The following PLEC variants were observed in gnomAD, a reference collection of about 807,000 sequenced individuals.
The protein encoded by PLEC is plectin, also known as hemidesmosomal protein 1.
Under a neutral mutation model 392.8 loss-of-function variants are expected in PLEC, and 216 were observed. That is an observed-to-expected ratio of 0.55 (90% CI 0.49 to 0.62). The LOEUF (loss-of-function observed/expected upper bound fraction) is 0.62. Among genes scored for constraint, PLEC ranks in the 20% least tolerant of loss-of-function variants. The pLI, the probability that PLEC is intolerant of heterozygous loss-of-function variation, is 0.00. For synonymous variants in PLEC, 3,621 were observed against 2,980.6 expected (o/e 1.21, Z -7.00); for missense variants, 6,863 against 6,563.4 (o/e 1.05, Z -1.58).
chr8:143,964,631 C>T (rs1181434973), intron 1 of PLEC, among the ~76,000 whole-genome samples: 1 of 152,160 alleles, frequency 6.6e-6, no homozygotes, highest in Non-Finnish European at 1.5e-5. Flanking sequence ...TTGTTTAAGG[C>T]CACCCAGTTT....
In PLEC at chr8:143,922,823, T is replaced by G. The variant is rs565837184; in HGVS notation, c.7106A>C (p.Glu2369Ala). ...CTCCAGCTGCCGCTGCCGCTCGGCC[T>G]CCAGCGTCCGCTGGAAGCCCTGCGT... ...EETQGFQRTL[E>A]AERQRQLEMS... The change falls in exon 31 of 32, where the codon GAG becomes GCG. Residue 2369 changes from glutamate to alanine, a missense_variant. Coordinates refer to ENST00000345136, the MANE Select transcript of PLEC (RefSeq NM_201384.3). The G allele has an allele frequency of 2.1e-5, 34 of 1,585,168 alleles. No homozygotes were observed. Among genetic ancestry groups the G allele is most frequent in the Admixed American group, 1.4e-4 (8 of 57,018 alleles).
At chr8:143,937,108 C>T (rs1349558920) in intron 4 of PLEC, 37 bp from the exon 5 acceptor site, 11 of 1,608,308 alleles carry the variant, frequency 6.8e-6, no homozygotes, top group East Asian at 2.2e-5. Flanking sequence ...GCCCACAGGG[C>T]GGGGCTGGCT....
At position 143,919,587 on chromosome 8, in the gene PLEC, C is replaced by A; in HGVS notation, c.10234G>T (p.Ala3412Ser). The stretch of plus-strand genomic sequence containing the variant: ...GGGCCCACCACGCCCGCCTTCACGG[C>A]CTCGTGGACATACAGGCGCTGGTTC... The part of the protein sequence containing the change: ...VRNQRLYVHE[A>S]VKAGVVGPEL... Residue 3412 changes from alanine to serine, a missense_variant, in exon 32 of 32, where the codon GCC (alanine) becomes TCC (serine). Transcript: ENST00000345136. 1 of 1,598,488 alleles carries A rather than the reference C, an allele frequency of 6.3e-7. No individual in the cohort carries two copies. The highest frequency in any genetic ancestry group is 8.5e-7 in the Non-Finnish European group (1 of 1,174,444).
At chr8:143,942,441 G>GC (rs1325379070), upstream of PLEC, 1 of 1,603,316 alleles carries the variant, frequency 6.2e-7, no homozygotes, top group Admixed American at 1.7e-5. Context: ...CCGGCTCGCA[G>GC]CCCCCGTCCA....
Position 143,917,491 on chromosome 8 carries a change from A to T in PLEC, c.12330T>A (p.Thr4110=). 1 of 1,613,890 alleles carries T rather than the reference A, an allele frequency of 6.2e-7. No individual in the cohort carries two copies. The highest frequency in any genetic ancestry group is 8.5e-7 in the Non-Finnish European group (1 of 1,180,028). ...TYLQLMERCI[T]DPQTGLCLLP... is the part of the protein sequence containing the mutation. ...AGAGACACAGGCCCGTCTGGGGGTCAGTGATACAACGCTCCATCAGCTGCA... is the reference window on the plus strand; with the variant it reads ...AGAGACACAGGCCCGTCTGGGGGTCTGTGATACAACGCTCCATCAGCTGCA... Residue 4110 remains threonine, a synonymous_variant, in exon 32 of 32, where the codon ACT becomes ACA. Transcript: ENST00000345136.
intron 1 of PLEC, among the ~76,000 whole-genome samples, chr8:143,946,913 A>G (rs1831559398): frequency 6.6e-6 from 1 of 151,786 alleles, no homozygotes; most frequent in South Asian, 2.1e-4. Flanking sequence ...GTCCTCCCCA[A>G]CCAGCACAGC....
chr8:143,922,335 G>A lies in PLEC; in HGVS notation c.7486C>T (p.Leu2496Phe), dbSNP rs782125418. ...QETQALQQSF[L>F]SEKDSLLQRE... The stretch of plus-strand genomic sequence containing the variant: ...TGTAGCAGGCTGTCCTTTTCAGAGA[G>A]GAAGCTTTGCTGCAGGGCCTGCGTC... The change falls in exon 32 of 32, where the codon CTC becomes TTC. Residue 2496 changes from leucine (L) to phenylalanine (F), a missense_variant. Transcript: ENST00000345136. 8 of 1,606,348 alleles carry A rather than the reference G, an allele frequency of 5.0e-6. No homozygotes were observed. The highest frequency in any genetic ancestry group is 1.6e-4 in the Middle Eastern group (1 of 6,078).
upstream of PLEC, among the ~76,000 whole-genome samples, chr8:143,939,862 G>A (rs1233301725): frequency 2.0e-5 from 3 of 152,180 alleles, no homozygotes; most frequent in African/African-American, 4.8e-5. Flanking sequence ...TGCCAGGACC[G>A]CAGAGGAACA....
rs565291398 is a variant in PLEC at position 143,925,682 on chromosome 8, C to T, written c.4247G>A (p.Arg1416His). 4.6e-5 allele frequency: 73 copies of T among 1,591,430 alleles called. 1 individual carries two copies. The highest frequency in any genetic ancestry group is 4.4e-4 in the South Asian group (40 of 90,094). ...CTGCTGCAGCTCCTCCTGAATGCTGCGCTTCTGCTGCTGCGCGTCCACCGC... is the reference window on the plus strand; with the variant it reads ...CTGCTGCAGCTCCTCCTGAATGCTGTGCTTCTGCTGCTGCGCGTCCACCGC... ...EAAVDAQQQKRSIQEELQQLR... is the reference protein window; with the variant it reads ...EAAVDAQQQKHSIQEELQQLR... The change falls in exon 31 of 32, where the codon CGC becomes CAC. Residue 1416 changes from arginine to histidine, a missense_variant. Physicochemically the swap from Arg to His is conservative, Grantham distance 29. Coordinates refer to ENST00000345136, the MANE Select transcript of PLEC (RefSeq NM_201384.3).
In PLEC at chr8:143,924,968, T is replaced by G; in HGVS notation, c.4961A>C (p.Gln1654Pro). Residue 1654 changes from glutamine (Q) to proline (P), a missense_variant, in exon 31 of 32, where the codon CAG becomes CCG. Transcript: ENST00000345136. Reference sequence around the variant, plus strand: ...AGCCTCGGCCTGCGCCAGGCTCTTCTGCTGCGCCACCTCCTCCGCCTGCAG... The same window carrying G: ...AGCCTCGGCCTGCGCCAGGCTCTTCGGCTGCGCCACCTCCTCCGCCTGCAG... The part of the protein sequence containing the change: ...LRLQAEEVAQ[Q>P]KSLAQAEAEK... The G allele has an allele frequency of 6.3e-7, 1 of 1,579,880 alleles. No individual in the cohort carries two copies. The highest frequency in any genetic ancestry group is 8.5e-7 in the Non-Finnish European group (1 of 1,171,266).
At chr8:143,976,515 G>A (rs1462023107), upstream of PLEC, among the ~76,000 whole-genome samples, 1 of 152,060 alleles carries the variant, frequency 6.6e-6, no homozygotes, top group East Asian at 1.9e-4. Flanking sequence ...CCCACACCCC[G>A]GGCACCGCCC....
rs1554711012 is a variant in PLEC at position 143,929,477 on chromosome 8, G to A, written c.3018C>T (p.Arg1006=). ...GCTCTTTGTCCAGCGGCAGCCGCAGGCGGTGCACGGTGCGCGTCTCACAGG... is the reference window on the plus strand; with the variant it reads ...GCTCTTTGTCCAGCGGCAGCCGCAGACGGTGCACGGTGCGCGTCTCACAGG... ...LEACETRTVH[R]LRLPLDKEPA... The change falls in exon 24 of 32, where the codon CGC becomes CGT. Residue 1006 remains arginine, a synonymous_variant. Transcript: ENST00000345136. 6.2e-7 allele frequency: 1 copy of A among 1,603,110 alleles called. No individual in the cohort carries two copies. Among genetic ancestry groups the A allele is most frequent in the Non-Finnish European group, 8.5e-7 (1 of 1,176,076 alleles).
At chr8:143,944,794 T>A in intron 1 of PLEC, 4 of 967,446 alleles carry the variant, frequency 4.1e-6, no homozygotes, top group Non-Finnish European at 5.5e-6. Context: ...CGTGCTGCTG[T>A]CAGCAGCAGC....
Position 143,932,221 on chromosome 8 carries a change from T to A in PLEC, c.1991A>T (p.Glu664Val), listed in dbSNP as rs1554716569. The A allele has an allele frequency of 6.2e-7, 1 of 1,612,194 alleles. No homozygotes were observed. The highest frequency in any genetic ancestry group is 1.7e-5 in the Admixed American group (1 of 60,006). Reference protein sequence around the residue: ...KKESYSALMRELELKEKKIKE... With the variant: ...KKESYSALMRVLELKEKKIKE... ...GATCTTCTTCTCCTTCAGCTCCAGC[T>A]CCCGCATCAGCGCCTGGCACCAGAG... Residue 664 changes from glutamate (E) to valine (V), a missense_variant, in exon 17 of 32, where the codon GAG becomes GTG. Physicochemically the swap from Glu to Val is moderately radical, Grantham distance 121. Coordinates refer to ENST00000345136, the MANE Select transcript of PLEC (RefSeq NM_201384.3).
At chr8:143,974,263 C>T (rs1245677496), upstream of PLEC, among the ~76,000 whole-genome samples, 3 of 152,258 alleles carry the variant, frequency 2.0e-5, no homozygotes, top group Non-Finnish European at 4.4e-5. The surrounding 1 kb of genome is among the most constrained non-coding windows in gnomAD (Gnocchi z 5.9). Context: ...AAGGCAACCA[C>T]GGTCAGCCGG....
rs1480796001 is a variant in PLEC at position 143,925,055 on chromosome 8, T to C, written c.4874A>G (p.Glu1625Gly). ...QQQAEAERAR[E>G]EAERELERWQ... Reference sequence around the variant, plus strand: ...GCGCTCCAGCTCCCGCTCTGCCTCCTCGCGCGCCCGCTCGGCCTCGGCCTG... The same window carrying C: ...GCGCTCCAGCTCCCGCTCTGCCTCCCCGCGCGCCCGCTCGGCCTCGGCCTG... Residue 1625 changes from glutamate to glycine, a missense_variant, in exon 31 of 32, where the codon GAG becomes GGG. Glu to Gly is a moderately conservative substitution (Grantham distance 98). Transcript: ENST00000345136. 14 of 1,545,706 alleles carry C rather than the reference T, an allele frequency of 9.1e-6. No individual in the cohort carries two copies. In the African/African-American group the frequency reaches 1.4e-4, roughly 15 times the overall value.
upstream of PLEC, chr8:143,943,880 G>A (rs782553178): frequency 2.0e-5 from 33 of 1,611,516 alleles, no homozygotes; most frequent in South Asian, 7.7e-5. Context: ...CAGGCTGCCC[G>A]AGGGCTCCAT....
chr8:143,953,678 A>G (rs782393281), upstream of PLEC: 2 of 1,580,072 alleles, frequency 1.3e-6, no homozygotes. Context: ...GCCAGAGGTC[A>G]CTGTGTGGTC....
At chr8:143,939,661 C>G, upstream of PLEC, 2 of 1,410,764 alleles carry the variant, frequency 1.4e-6, no homozygotes, top group Non-Finnish European at 1.8e-6. Context: ...CCCGAGGCCC[C>G]ACCCTGCCCA....
Sources: allele counts gnomAD v4.1 joint callset (sites outside exome capture counted in the v4.1 genomes callset), GRCh38; gene constraint gnomAD v4.1.1; non-coding constraint Gnocchi (gnomAD v3.1); transcripts MANE v1.5; gene names NCBI Gene and HGNC (gene_info 2026-07-23, HGNC 2026-07-21).